CLEC16A: variants seen among roughly 807,000 people sequenced by gnomAD.
The protein encoded by CLEC16A is C-type lectin domain containing 16A.
CLEC16A carries 51 observed loss-of-function variants against 109.5 expected under a neutral mutation model. The observed-to-expected ratio is 0.47, with a 90% CI of 0.37 to 0.59. The LOEUF is 0.59. CLEC16A is among the 20% of genes least tolerant of loss of function. CLEC16A has a pLI of 0.00. For synonymous variants in CLEC16A, 673 were observed against 564.2 expected, an observed-to-expected ratio of 1.19 and a Z score of -2.73; for missense variants, 1,339 against 1,394.0, an observed-to-expected ratio of 0.96 and a Z score of 0.63.
chr16:11,048,693 C>T (rs1181218374), intron 17 of CLEC16A, among the ~76,000 whole-genome samples: 1 of 152,174 alleles, frequency 6.6e-6, no homozygotes, highest in African/African-American at 2.4e-5. Flanking sequence ...CCCAGCAGCA[C>T]CCTGTGCCAG....
chr16:11,133,268 G>A (rs913586883), intron 22 of CLEC16A, among the ~76,000 whole-genome samples: 32 of 152,000 alleles, frequency 2.1e-4, no homozygotes, highest in African/African-American at 7.2e-4. Flanking sequence ...GAACCCGGGA[G>A]GTGGAGGTTG....
intron 10 of CLEC16A, among the ~76,000 whole-genome samples, chr16:10,991,310 G>C (rs763155488): frequency 4.0e-5 from 6 of 151,434 alleles, no homozygotes; most frequent in Non-Finnish European, 8.8e-5. Flanking sequence ...TTGGTATCTG[G>C]AGGAAGAGCA....
chr16:11,041,222 T>C (rs1213623502), intron 14 of CLEC16A: 1 of 152,200 alleles, frequency 6.6e-6, no homozygotes, highest in Non-Finnish European at 1.5e-5. Flanking sequence ...CTCATTGCAA[T>C]AGGTTTTTAT....
intron 1 of CLEC16A, 48 bp downstream of exon 1, chr16:10,944,845 C>T: frequency 1.3e-6 from 2 of 1,505,856 alleles, no homozygotes; most frequent in Non-Finnish European, 1.8e-6. Context: ...GACAGGGGGA[C>T]GGGGCGCCGA....
chr16:11,026,922 C>T (rs531224229), intron 13 of CLEC16A: 10 of 972,624 alleles, frequency 1.0e-5, no homozygotes, highest in Admixed American at 6.1e-5. Flanking sequence ...GGTCCTCCAG[C>T]GTGAGCTAGA....
At chr16:11,038,623 C>G (rs768141810) in intron 13 of CLEC16A, among the ~76,000 whole-genome samples, 8 of 152,122 alleles carry the variant, frequency 5.3e-5, no homozygotes, top group African/African-American at 1.9e-4. Context: ...CTTCCCCACC[C>G]CCATCTAATA....
At position 11,174,085 on chromosome 16, in the gene CLEC16A, C is replaced by T. The variant is rs2068641814; in HGVS notation, c.2807-4250C>T. ...CAGCGTCCGCTGCTGCTCAGTGTCC[C>T]CTCCATGTCGCCTCTGCCGTCCCAT... On this transcript the variant is annotated intron_variant, in intron 23 of 23. Transcript: ENST00000409790. This position sits in a 1 kb window ranked among gnomAD's most constrained non-coding sequence, Gnocchi z 4.7. 1 of 436,208 alleles carries T rather than the reference C, an allele frequency of 2.3e-6. No homozygotes were observed. Among genetic ancestry groups the T allele is most frequent in the Non-Finnish European group, 4.8e-6 (1 of 206,686 alleles). The allele number at this position is 436,208 out of a possible 1,614,324, so 27.0% of individuals were successfully genotyped here. A position where few individuals can be genotyped will look rare whatever the true frequency, so the allele number is the denominator to read the frequency against.
At chr16:10,953,385 T>C (rs1388107679) in intron 1 of CLEC16A, among the ~76,000 whole-genome samples, 1 of 152,226 alleles carries the variant, frequency 6.6e-6, no homozygotes, top group Non-Finnish European at 1.5e-5. Context: ...CCAGATGTAC[T>C]CAAAGTCAGA....
intron 13 of CLEC16A, among the ~76,000 whole-genome samples, chr16:11,032,020 G>C (rs11859145): frequency 0.013 from 2,046 of 152,342 alleles, 31 homozygotes; most frequent in African/African-American, 0.046. Flanking sequence ...GAAAGCATCA[G>C]TCATTCTTGG....
chr16:10,973,745 A>T (rs1177655110), intron 7 of CLEC16A, among the ~76,000 whole-genome samples: 1 of 150,834 alleles, frequency 6.6e-6, no homozygotes, highest in African/African-American at 2.4e-5. Context: ...AATTTTTTTG[A>T]TTTTTAGTAG....
In CLEC16A at chr16:11,010,969, C is replaced by T. The variant is rs1386318685; in HGVS notation, c.1303+7664C>T. Among the ~76,000 whole-genome samples, 9 of 152,322 alleles carry T rather than the reference C, an allele frequency of 5.9e-5. No homozygotes were observed. The South Asian group carries it at 1.2e-3, about 21-fold the overall frequency. On this transcript the variant is annotated intron_variant, in intron 11 of 23. Coordinates refer to ENST00000409790, the MANE Select transcript of CLEC16A (RefSeq NM_015226.3). ...TTATGCGTTCTTGGCTGGAACACGG[C>T]ATGGGTGATGTCATGCACTTCTCAG...
chr16:10,960,672 A>G (rs892725157), intron 2 of CLEC16A, among the ~76,000 whole-genome samples: 11 of 152,104 alleles, frequency 7.2e-5, no homozygotes, highest in African/African-American at 2.7e-4. Context: ...GTTAAGGTCT[A>G]CCTTCTAGAA....
At chr16:10,991,802 T>C (rs752895721) in intron 10 of CLEC16A, among the ~76,000 whole-genome samples, 1 of 152,236 alleles carries the variant, frequency 6.6e-6, no homozygotes, top group Non-Finnish European at 1.5e-5. Flanking sequence ...ATGCTTTGCC[T>C]GATGGGAGCC....
In CLEC16A at chr16:10,979,631, T is replaced by C. The variant is rs935385804; in HGVS notation, c.957+249T>C. Among the ~76,000 whole-genome samples, 5 of 152,196 alleles carry C rather than the reference T, an allele frequency of 3.3e-5. No individual in the cohort carries two copies. The East Asian group carries it at 9.6e-4, about 29-fold the overall frequency. On this transcript the variant is annotated intron_variant, in intron 9 of 23. Transcript: ENST00000409790. ...AATAAACCAAACCTAACTTGTATAG[T>C]TGATTTTTACCATGAAGACTGAGGT...
intron 13 of CLEC16A, among the ~76,000 whole-genome samples, chr16:11,036,733 G>C (rs2047047080): frequency 6.6e-6 from 1 of 151,952 alleles, no homozygotes; most frequent in Non-Finnish European, 1.5e-5. Flanking sequence ...ATTTTTAGTA[G>C]AGACGGGGTT....
intron 23 of CLEC16A, among the ~76,000 whole-genome samples, chr16:11,172,991 C>A (rs189469698): frequency 6.6e-6 from 1 of 152,242 alleles, no homozygotes; most frequent in South Asian, 2.1e-4. Context: ...CTGCTGTTGA[C>A]GGCCCAGTGC....
At chr16:10,966,458 A>G (rs2042512488) in intron 3 of CLEC16A, among the ~76,000 whole-genome samples, 1 of 152,194 alleles carries the variant, frequency 6.6e-6, no homozygotes, top group African/African-American at 2.4e-5. Flanking sequence ...TGGGAATGTC[A>G]GATTTGGGAT....
rs112395103 is a variant in CLEC16A, at chr16:10,979,232, G to A, written c.904-97G>A. ...GTGGAGGAAGTCAGTGGGACAGGAC[G>A]CCTTTGTTCACACAGAAGGCTTTTG... On this transcript the variant is annotated intron_variant, in intron 8 of 23. Coordinates refer to ENST00000409790, the MANE Select transcript of CLEC16A (RefSeq NM_015226.3). 4.1e-4 allele frequency: 448 copies of A among 1,087,882 alleles called. 3 individuals are homozygous for A. The African/African-American group carries it at 5.8e-3, about 14-fold the overall frequency. 67.4% of individuals were successfully genotyped at this position (1,087,882 alleles called of 1,614,324 possible).
At chr16:11,126,896 G>C (rs2052864572) in intron 22 of CLEC16A, 1 of 152,208 alleles carries the variant, frequency 6.6e-6, no homozygotes, top group South Asian at 2.1e-4. Flanking sequence ...TAAGTTGCAA[G>C]TGTTGTGAAA....
Sources: allele counts gnomAD v4.1 joint callset (sites outside exome capture counted in the v4.1 genomes callset), GRCh38; gene constraint gnomAD v4.1.1; non-coding constraint Gnocchi (gnomAD v3.1); transcripts MANE v1.5; gene names NCBI Gene and HGNC (gene_info 2026-07-23, HGNC 2026-07-21).